The following AMN1 variants were observed in gnomAD, a reference collection of about 807,000 sequenced individuals.
AMN1 encodes antagonist of mitotic exit network 1 homolog.
In AMN1, 20 loss-of-function variants were observed where a neutral mutation model predicts 33.0. That is an observed-to-expected ratio of 0.61 (90% CI 0.43 to 0.88). The LOEUF is 0.88. AMN1 is among the 40% of genes least tolerant of loss of function. The pLI is 0.00. For synonymous variants in AMN1, 114 were observed against 111.9 expected (o/e 1.02, Z -0.12); for missense variants, 246 against 307.4 (o/e 0.80, Z 1.49).
At chr12:31,676,568 C>T (rs144147902) in intron 6 of AMN1, among the ~76,000 whole-genome samples, 7,425 of 151,172 alleles carry the variant, frequency 0.049, 253 homozygotes, top group Non-Finnish European at 0.075. Flanking sequence ...GTGATCTGCC[C>T]GCCTTGGCCT....
intron 1 of AMN1, chr12:31,715,779 C>T (rs1939650107): frequency 6.4e-6 from 1 of 156,546 alleles, no homozygotes; most frequent in Non-Finnish European, 1.4e-5. Context: ...CAGAAGTAGC[C>T]ATGATGAATG....
rs893706299 is a variant in AMN1, at chr12:31,671,623, A to G, written c.*681T>C. On this transcript the variant is annotated 3_prime_UTR_variant, in exon 7 of 7. Coordinates refer to ENST00000281471, the MANE Select transcript of AMN1 (RefSeq NM_001113402.2). ...TTTACTCATTTTTACACATTTTTGA[A>G]TGCAATTTTGCTAAGGAAGGAAAGC... 2 of 152,180 alleles carry G rather than the reference A, an allele frequency of 1.3e-5. No homozygotes were observed. The highest frequency in any genetic ancestry group is 4.8e-5 in the African/African-American group (2 of 41,458). 9.4% of individuals were successfully genotyped at this position (152,180 alleles called of 1,614,324 possible). A position where few individuals can be genotyped will look rare whatever the true frequency, so the allele number is the denominator to read the frequency against.
intron 1 of AMN1, among the ~76,000 whole-genome samples, chr12:31,713,325 T>C (rs1349106198): frequency 6.6e-6 from 1 of 152,218 alleles, no homozygotes; most frequent in Non-Finnish European, 1.5e-5. Flanking sequence ...AATTCTACTA[T>C]ATTCTTATTT....
chr12:31,723,752 T>A (rs1049258031), intron 1 of AMN1, among the ~76,000 whole-genome samples: 1 of 152,196 alleles, frequency 6.6e-6, no homozygotes, highest in Admixed American at 6.5e-5. Context: ...TGAGTAACTG[T>A]GTCAGAGGGT....
chr12:31,693,731 G>A (rs1429350022), intron 5 of AMN1, among the ~76,000 whole-genome samples: 5 of 151,486 alleles, frequency 3.3e-5, no homozygotes, highest in Non-Finnish European at 5.9e-5. Context: ...TAGTAGAGAC[G>A]GGGTTTCTCC....
chr12:31,723,213 CACAA>C (rs1939938922), intron 1 of AMN1, among the ~76,000 whole-genome samples: 2 of 152,132 alleles, frequency 1.3e-5, no homozygotes, highest in Admixed American at 6.5e-5. Context: ...CTGACACACA[CACAA>C]ACACACACGC....
chr12:31,680,482 G>A (rs974451127), intron 6 of AMN1, among the ~76,000 whole-genome samples: 14 of 152,142 alleles, frequency 9.2e-5, no homozygotes, highest in African/African-American at 2.2e-4. Flanking sequence ...GATTACAGGC[G>A]TGAGCCACCA....
At chr12:31,674,603 C>T (rs897473288) in intron 6 of AMN1, among the ~76,000 whole-genome samples, 2 of 152,126 alleles carry the variant, frequency 1.3e-5, no homozygotes, top group African/African-American at 4.8e-5. Context: ...ACATAACATA[C>T]TCACATTTTG....
At chr12:31,717,450 T>C (rs1939722126) in intron 1 of AMN1, among the ~76,000 whole-genome samples, 1 of 152,252 alleles carries the variant, frequency 6.6e-6, no homozygotes, top group South Asian at 2.1e-4. Flanking sequence ...GAATCATTTA[T>C]ATTCCTTTGG....
rs769372231 is a variant in AMN1 at position 31,729,018 on chromosome 12, G to A, written c.-10C>T. 3.4e-5 allele frequency: 52 copies of A among 1,541,332 alleles called. No homozygotes were observed. Among genetic ancestry groups the A allele is most frequent in the Non-Finnish European group, 3.8e-5 (43 of 1,139,656 alleles). Reference sequence around the variant, plus strand: ...GCCGTGGGCGAGGCATCGCTGCAGCGTCTGAAGCCTCTTCCGCGGTCCCAG... The same window carrying A: ...GCCGTGGGCGAGGCATCGCTGCAGCATCTGAAGCCTCTTCCGCGGTCCCAG... On this transcript the variant is annotated 5_prime_UTR_variant, in exon 1 of 7. In the 5' UTR this introduces an upstream ATG that the reference lacks. Transcript: ENST00000281471.
chr12:31,688,941 T>A, intron 6 of AMN1, 66 bp downstream of exon 6: 1 of 1,001,528 alleles, frequency 1.0e-6, no homozygotes, highest in Non-Finnish European at 1.5e-6. Context: ...GGTTAAGTAA[T>A]GTACTCAAGG....
At chr12:31,722,403 T>A (rs1440062250) in intron 1 of AMN1, among the ~76,000 whole-genome samples, 1 of 152,108 alleles carries the variant, frequency 6.6e-6, no homozygotes, top group African/African-American at 2.4e-5. Flanking sequence ...CCCCTTATCA[T>A]CCTTAGGGTG....
At chr12:31,672,568 A>G in intron 6 of AMN1, 191 bp from the exon 7 acceptor site, 1 of 503,880 alleles carries the variant, frequency 2.0e-6, no homozygotes, top group Non-Finnish European at 3.5e-6. Context: ...TATTAGGTGT[A>G]GTGCACCTAT....
chr12:31,724,536 T>C (rs1939991452), intron 1 of AMN1, among the ~76,000 whole-genome samples: 1 of 152,174 alleles, frequency 6.6e-6, no homozygotes. Context: ...ATTTAACATA[T>C]ATATATATTT....
At chr12:31,679,591 A>C (rs901972420) in intron 6 of AMN1, among the ~76,000 whole-genome samples, 2 of 152,124 alleles carry the variant, frequency 1.3e-5, no homozygotes, top group African/African-American at 4.8e-5. Context: ...ATTAAAATTC[A>C]AGTCGACTAA....
chr12:31,689,546 C>T (rs150429583), intron 5 of AMN1, among the ~76,000 whole-genome samples: 2,333 of 152,218 alleles, frequency 0.015, 35 homozygotes, highest in Middle Eastern at 0.034. Context: ...AGACATAAAT[C>T]TCAAACATGT....
chr12:31,675,803 C>T (rs895628514), intron 6 of AMN1, among the ~76,000 whole-genome samples: 5 of 151,608 alleles, frequency 3.3e-5, no homozygotes, highest in East Asian at 1.9e-4. Context: ...CACCGTTACC[C>T]GCCAGGATGT....
intron 6 of AMN1, among the ~76,000 whole-genome samples, chr12:31,681,518 C>A (rs920068478): frequency 3.9e-5 from 6 of 152,096 alleles, no homozygotes; most frequent in Admixed American, 1.3e-4. Context: ...CGTGAGCCAC[C>A]ATGCCCGGCC....
chr12:31,728,930 G>A (rs1415357739), intron 1 of AMN1, 41 bp downstream of exon 1: 8 of 1,538,260 alleles, frequency 5.2e-6, no homozygotes, highest in Non-Finnish European at 7.0e-6. Flanking sequence ...TGGAGGAGGT[G>A]CTGGGGCGGC....
Sources: gnomAD v4.1 joint callset for allele counts (sites outside exome capture counted in the v4.1 genomes callset) on GRCh38, gnomAD v4.1.1 for gene constraint, MANE v1.5 for transcripts, NCBI Gene and HGNC (gene_info 2026-07-23, HGNC 2026-07-21) for gene names.